Variants in SLC71A2 observed in about 807,000 individuals in gnomAD.
SLC71A2 encodes the protein solute carrier family 71 member 2.
the SLC71A2 span, among the ~76,000 whole-genome samples, chr9:94,452,669 AT>A: frequency 3.8e-5 from 2 of 52,936 alleles, no homozygotes; most frequent in African/African-American, 1.8e-4. Context: ...ATATATATTC[AT>A]ATATATTCAT....
the SLC71A2 span, among the ~76,000 whole-genome samples, chr9:94,403,011 C>G: frequency 6.6e-6 from 1 of 152,118 alleles, no homozygotes; most frequent in African/African-American, 2.4e-5. Flanking sequence ...AACTCTGTGC[C>G]CATTAAGCAA....
chr9:94,441,440 CACTT>C, the SLC71A2 span, among the ~76,000 whole-genome samples: 6 of 152,294 alleles, frequency 3.9e-5, no homozygotes, highest in South Asian at 2.1e-4. Context: ...CACAAGAACT[CACTT>C]ACTATTAACA....
the SLC71A2 span, chr9:94,445,074 T>C: frequency 6.2e-7 from 1 of 1,614,206 alleles, no homozygotes; most frequent in Non-Finnish European, 8.5e-7. Flanking sequence ...TGGTGGCTCT[T>C]CTGGACATCT....
chr9:94,460,446 C>T, the SLC71A2 span: 6 of 152,676 alleles, frequency 3.9e-5, no homozygotes, highest in Admixed American at 6.5e-5. Flanking sequence ...ACTTTTGAAT[C>T]GCATGGGAAT....
chr9:94,376,788 AGTT>A, the SLC71A2 span, among the ~76,000 whole-genome samples: 1 of 54,818 alleles, frequency 1.8e-5, no homozygotes, highest in African/African-American at 8.2e-5. Context: ...TGATAAAAGT[AGTT>A]GTCTCCCATT....
At chr9:94,446,847 T>C in the SLC71A2 span, 1 of 1,608,402 alleles carries the variant, frequency 6.2e-7, no homozygotes. Flanking sequence ...TGGAAAAGAT[T>C]CTACTGTCTT....
the SLC71A2 span, chr9:94,438,546 T>C: frequency 6.2e-7 from 1 of 1,605,318 alleles, no homozygotes; most frequent in Non-Finnish European, 8.5e-7. Context: ...ACTTGGCCCT[T>C]CACCTCCTGA....
At chr9:94,460,225 C>T in the SLC71A2 span, 13 of 152,500 alleles carry the variant, frequency 8.5e-5, no homozygotes, top group Admixed American at 5.9e-4. Context: ...AAGTTATTAA[C>T]AATTTGGAAA....
chr9:94,420,880 C>T, the SLC71A2 span, among the ~76,000 whole-genome samples: 1 of 151,870 alleles, frequency 6.6e-6, no homozygotes, highest in African/African-American at 2.4e-5. Context: ...GCCTGGGCAG[C>T]AGAGTGAGAC....
chr9:94,440,260 T>C, the SLC71A2 span, among the ~76,000 whole-genome samples: 1 of 151,966 alleles, frequency 6.6e-6, no homozygotes, highest in African/African-American at 2.4e-5. Flanking sequence ...TTCACACCAT[T>C]CTCCTGCCTC....
chr9:94,411,353 ACTT>A, the SLC71A2 span, among the ~76,000 whole-genome samples: 1 of 146,460 alleles, frequency 6.8e-6, no homozygotes, highest in Non-Finnish European at 1.5e-5. Context: ...TTCAAAGAAT[ACTT>A]CTTAAGTGGT....
the SLC71A2 span, among the ~76,000 whole-genome samples, chr9:94,453,068 T>C: frequency 6.6e-6 from 1 of 152,160 alleles, no homozygotes; most frequent in East Asian, 1.9e-4. Flanking sequence ...TTTGTTGAAA[T>C]GTGTTGCAAA....
At chr9:94,427,846 G>A in the SLC71A2 span, among the ~76,000 whole-genome samples, 6 of 144,990 alleles carry the variant, frequency 4.1e-5, no homozygotes, top group East Asian at 1.0e-3. Flanking sequence ...TGATCAGGCC[G>A]GGAGCAGTGG....
chr9:94,386,133 G>A, the SLC71A2 span, among the ~76,000 whole-genome samples: 11 of 152,060 alleles, frequency 7.2e-5, no homozygotes, highest in Admixed American at 4.6e-4. Context: ...ATTTGTTTTC[G>A]GTAACGATTT....
At chr9:94,450,957 G>T in the SLC71A2 span, among the ~76,000 whole-genome samples, 11 of 152,088 alleles carry the variant, frequency 7.2e-5, no homozygotes, top group African/African-American at 2.4e-4. Flanking sequence ...GGGTCATACC[G>T]CCAGAGAGCC....
the SLC71A2 span, among the ~76,000 whole-genome samples, chr9:94,409,562 A>G: frequency 1.3e-5 from 2 of 152,066 alleles, no homozygotes; most frequent in African/African-American, 4.8e-5. Flanking sequence ...CTTACAGTGG[A>G]AAGTTAAATT....
the SLC71A2 span, among the ~76,000 whole-genome samples, chr9:94,404,977 T>C: frequency 1.3e-5 from 2 of 152,192 alleles, no homozygotes; most frequent in Admixed American, 6.5e-5. Flanking sequence ...GTTTTGCTTT[T>C]ATGTTTAGAT....
At chr9:94,434,249 T>G in the SLC71A2 span, among the ~76,000 whole-genome samples, 1 of 152,204 alleles carries the variant, frequency 6.6e-6, no homozygotes, top group Admixed American at 6.5e-5. Context: ...AATTTGTGTT[T>G]ACCACTAATG....
the SLC71A2 span, among the ~76,000 whole-genome samples, chr9:94,453,113 T>C: frequency 1.3e-5 from 2 of 152,070 alleles, no homozygotes; most frequent in Non-Finnish European, 2.9e-5. Flanking sequence ...TTGATCATTT[T>C]GGTTTTTTAC....
Sources: gnomAD v4.1 joint callset for allele counts (sites outside exome capture counted in the v4.1 genomes callset) on GRCh38, gnomAD v4.1.1 for gene constraint, MANE v1.5 for transcripts, NCBI Gene and HGNC (gene_info 2026-07-23, HGNC 2026-07-21) for gene names.